The following IPCEF1 variants were observed in gnomAD, a reference collection of about 807,000 sequenced individuals.
IPCEF1 encodes interaction protein for cytohesin exchange factors 1.
In IPCEF1, 31 loss-of-function variants were observed where a neutral mutation model predicts 50.9. The ratio of observed to expected loss-of-function variants is 0.61; its 90% CI spans 0.46 to 0.82. The LOEUF (loss-of-function observed/expected upper bound fraction) is 0.82, where lower values mean the gene tolerates loss of function less well. Ranked by LOEUF, IPCEF1 falls within the 40% of genes least tolerant of loss-of-function variation. IPCEF1 has a pLI of 0.00. For missense variants in IPCEF1, 458 were observed against 514.0 expected (o/e 0.89, Z 1.05); for synonymous variants, 181 against 192.0 (o/e 0.94, Z 0.47).
At chr6:154,277,860 C>A (rs1554301053) in intron 2 of IPCEF1, among the ~76,000 whole-genome samples, 1 of 151,352 alleles carries the variant, frequency 6.6e-6, no homozygotes, top group Non-Finnish European at 1.5e-5. Flanking sequence ...TAAAGCCAGA[C>A]TTTTTTTTTC....
chr6:154,286,294 T>C (rs1782358096), intron 2 of IPCEF1, among the ~76,000 whole-genome samples: 1 of 152,188 alleles, frequency 6.6e-6, no homozygotes, highest in African/African-American at 2.4e-5. Flanking sequence ...CAAACCACCA[T>C]GGAACATGTA....
chr6:154,208,567 C>G (rs1186306417), intron 9 of IPCEF1, among the ~76,000 whole-genome samples: 1 of 152,204 alleles, frequency 6.6e-6, no homozygotes, highest in Admixed American at 6.5e-5. Context: ...TCACAGTCCA[C>G]TTTATTCACT....
intron 7 of IPCEF1, among the ~76,000 whole-genome samples, chr6:154,220,895 G>A (rs546842336): frequency 1.3e-5 from 2 of 152,300 alleles, no homozygotes; most frequent in Admixed American, 6.5e-5. Context: ...TATATTAAAC[G>A]CTATAGCAAT....
intron 1 of IPCEF1, among the ~76,000 whole-genome samples, chr6:154,303,786 G>A (rs1782860016): frequency 1.3e-5 from 2 of 152,142 alleles, no homozygotes; most frequent in Admixed American, 1.3e-4. Context: ...AACGAGGCAT[G>A]TTGGTGCACC....
intron 1 of IPCEF1, among the ~76,000 whole-genome samples, chr6:154,311,711 A>C (rs1364511779): frequency 6.6e-6 from 1 of 152,252 alleles, no homozygotes; most frequent in African/African-American, 2.4e-5. Flanking sequence ...ACTAATCATT[A>C]CAAAAATACA....
intron 1 of IPCEF1, among the ~76,000 whole-genome samples, chr6:154,345,138 G>A (rs541292687): frequency 6.6e-6 from 1 of 152,320 alleles, no homozygotes; most frequent in African/African-American, 2.4e-5. Context: ...CCAAAGTGCT[G>A]GGATTACAGG....
At chr6:154,183,861 G>A (rs896719144) in intron 10 of IPCEF1, among the ~76,000 whole-genome samples, 69 of 152,174 alleles carry the variant, frequency 4.5e-4, no homozygotes, top group African/African-American at 1.6e-3. Flanking sequence ...CTGCACTCCA[G>A]CCTGGGTAAC....
intron 5 of IPCEF1, among the ~76,000 whole-genome samples, chr6:154,235,006 C>T (rs1189934553): frequency 6.6e-6 from 1 of 152,134 alleles, no homozygotes; most frequent in Non-Finnish European, 1.5e-5. Flanking sequence ...ATGGGCTGGT[C>T]TCTGCACCAG....
At chr6:154,331,447 G>A (rs116509803) in intron 1 of IPCEF1, among the ~76,000 whole-genome samples, 2,757 of 146,596 alleles carry the variant, frequency 0.019, 67 homozygotes, top group African/African-American at 0.053. Context: ...GAAAGAGAAC[G>A]AAAGAAAGAA....
chr6:154,312,822 C>T (rs1314842142), intron 1 of IPCEF1, among the ~76,000 whole-genome samples: 3 of 152,000 alleles, frequency 2.0e-5, no homozygotes, highest in African/African-American at 7.3e-5. Flanking sequence ...AGCTTGATTT[C>T]GCTATGCAAC....
intron 2 of IPCEF1, among the ~76,000 whole-genome samples, chr6:154,286,625 C>G (rs937532208): frequency 2.0e-5 from 3 of 152,064 alleles, no homozygotes; most frequent in African/African-American, 7.2e-5. Context: ...TGTAGAAAGA[C>G]CTGCAATGAG....
chr6:154,257,454 T>C (rs1417084570), intron 3 of IPCEF1, among the ~76,000 whole-genome samples: 3 of 152,230 alleles, frequency 2.0e-5, no homozygotes, highest in East Asian at 3.8e-4. Flanking sequence ...CAGAGATGCT[T>C]ACCATGTTTC....
intron 10 of IPCEF1, among the ~76,000 whole-genome samples, chr6:154,178,300 T>A (rs910223498): frequency 3.9e-5 from 6 of 151,972 alleles, no homozygotes; most frequent in East Asian, 1.9e-4. Context: ...ATAAAAAAAA[T>A]TATATTAAAA....
At chr6:154,297,757 A>G (rs1310355557) in intron 1 of IPCEF1, among the ~76,000 whole-genome samples, 1 of 152,204 alleles carries the variant, frequency 6.6e-6, no homozygotes, top group Non-Finnish European at 1.5e-5. Context: ...CTGTACATAC[A>G]GTTTTGTGTC....
intron 10 of IPCEF1, among the ~76,000 whole-genome samples, chr6:154,198,952 C>T (rs555537019): frequency 6.8e-4 from 104 of 152,218 alleles, no homozygotes; most frequent in Admixed American, 2.0e-3. Flanking sequence ...GAATGAATAG[C>T]GCACAATCAG....
intron 9 of IPCEF1, among the ~76,000 whole-genome samples, chr6:154,203,352 T>C (rs1306462344): frequency 6.6e-6 from 1 of 152,126 alleles, no homozygotes; most frequent in Non-Finnish European, 1.5e-5. Flanking sequence ...GTTATTTCTA[T>C]CATAATAGGT....
intron 1 of IPCEF1, among the ~76,000 whole-genome samples, chr6:154,338,773 T>A (rs2128696778): frequency 6.6e-6 from 1 of 152,096 alleles, no homozygotes; most frequent in Admixed American, 6.5e-5. Flanking sequence ...ATACAAAAAA[T>A]TAGCCAGGCA....
Position 154,158,270 on chromosome 6 carries a change from A to G in IPCEF1, c.*1558T>C, listed in dbSNP as rs1391569235. 5 of 152,190 alleles carry G rather than the reference A, an allele frequency of 3.3e-5. No homozygotes were observed. The highest frequency in any genetic ancestry group is 1.2e-4 in the African/African-American group (5 of 41,440). 9.4% of individuals were successfully genotyped at this position (152,190 alleles called of 1,614,324 possible). On this transcript the variant is annotated 3_prime_UTR_variant, in exon 12 of 12. Transcript: ENST00000367220. Reference sequence around the variant, plus strand: ...TGTGAACAATTTGTTACGGGTAGGCAGGGCCAACATGGGTACTTGGTGGGT... The same window carrying G: ...TGTGAACAATTTGTTACGGGTAGGCGGGGCCAACATGGGTACTTGGTGGGT...
chr6:154,278,572 T>A (rs1182208759), intron 2 of IPCEF1, among the ~76,000 whole-genome samples: 1 of 151,622 alleles, frequency 6.6e-6, no homozygotes, highest in African/African-American at 2.4e-5. Context: ...CTTACTCCAC[T>A]GTTTTCAATA....
Sources: allele counts gnomAD v4.1 joint callset (sites outside exome capture counted in the v4.1 genomes callset), GRCh38; gene constraint gnomAD v4.1.1; transcripts MANE v1.5; gene names NCBI Gene and HGNC (gene_info 2026-07-23, HGNC 2026-07-21).